RBM33: variants seen among roughly 807,000 people sequenced by gnomAD.
RBM33 encodes the protein RNA binding motif protein 33.
A neutral mutation model predicts 132.6 loss-of-function variants in RBM33; 28 were observed. That is an observed-to-expected ratio of 0.21 (90% CI 0.16 to 0.29). The LOEUF (loss-of-function observed/expected upper bound fraction) is 0.29, where lower values mean the gene tolerates loss of function less well. Among genes scored for constraint, RBM33 ranks in the 10% least tolerant of loss-of-function variants. The pLI, the probability that RBM33 is intolerant of heterozygous loss-of-function variation, is 1.00. For synonymous variants in RBM33, 634 were observed against 593.0 expected, an observed-to-expected ratio of 1.07 and a Z score of -1.01; for missense variants, 1,291 against 1,518.5, an observed-to-expected ratio of 0.85 and a Z score of 2.49.
Position 155,644,807 on chromosome 7 carries a change from C to T in RBM33, c.-70C>T. On this transcript the variant is annotated 5_prime_UTR_variant, in exon 1 of 18. Transcript: ENST00000401878. The stretch of plus-strand genomic sequence containing the variant: ...CTGTCCTCCGTCACCCGTACCCGGG[C>T]CCGGACCAGGCACGTCGGCCCACCA... 7.6e-7 allele frequency: 1 copy of T among 1,321,318 alleles called. No individual in the cohort carries two copies. The highest frequency in any genetic ancestry group is 1.5e-5 in the South Asian group (1 of 67,184). 81.8% of individuals were successfully genotyped at this position (1,321,318 alleles called of 1,614,324 possible).
intron 9 of RBM33, among the ~76,000 whole-genome samples, chr7:155,733,083 G>C (rs1219799821): frequency 6.6e-6 from 1 of 152,088 alleles, no homozygotes; most frequent in Non-Finnish European, 1.5e-5. Flanking sequence ...TGTACCAAGG[G>C]TTACAAGAGA....
intron 5 of RBM33, among the ~76,000 whole-genome samples, chr7:155,684,166 A>G (rs1799409092): frequency 6.6e-6 from 1 of 152,178 alleles, no homozygotes; most frequent in Non-Finnish European, 1.5e-5. Flanking sequence ...ACTGTCATGT[A>G]CCATACAGTA....
At chr7:155,729,807 C>G (rs1458844476) in intron 9 of RBM33, among the ~76,000 whole-genome samples, 2 of 151,612 alleles carry the variant, frequency 1.3e-5, no homozygotes, top group Non-Finnish European at 2.9e-5. Context: ...TTTTCTGTCT[C>G]TAAACCAGTG....
Position 155,763,963 on chromosome 7 carries a change from A to G in RBM33, c.3131A>G (p.His1044Arg), listed in dbSNP as rs760368232. The G allele has an allele frequency of 1.6e-5, 26 of 1,596,420 alleles. No individual in the cohort carries two copies. The highest frequency in any genetic ancestry group is 2.7e-5 in the African/African-American group (2 of 74,544). Reference sequence around the variant, plus strand: ...CATCTGCCAGCGGGGCCCCACGCACACTCGCCTGTCCCTCCAGGGATCAAA... The same window carrying G: ...CATCTGCCAGCGGGGCCCCACGCACGCTCGCCTGTCCCTCCAGGGATCAAA... The part of the protein sequence containing the change: ...PPHLPAGPHA[H>R]SPVPPGIKSI... The change falls in exon 15 of 18, where the codon CAC (histidine) becomes CGC (arginine). Residue 1044 changes from histidine (H) to arginine (R), a missense_variant. Transcript: ENST00000401878.
intron 16 of RBM33, among the ~76,000 whole-genome samples, chr7:155,771,386 T>C (rs1802421610): frequency 6.6e-6 from 1 of 152,228 alleles, no homozygotes; most frequent in African/African-American, 2.4e-5. Context: ...CAGGGTTTAT[T>C]TCTGAAAGAA....
At chr7:155,701,944 C>T (rs143305739) in intron 6 of RBM33, among the ~76,000 whole-genome samples, 3 of 152,280 alleles carry the variant, frequency 2.0e-5, no homozygotes, top group East Asian at 1.9e-4. Context: ...GCTCAGCCTC[C>T]GTAAGTGCTG....
In RBM33 at chr7:155,745,675, G is replaced by C; in HGVS notation, c.2979+73G>C. On this transcript the variant is annotated intron_variant, in intron 14 of 17. Transcript: ENST00000401878. The surrounding 1 kb of genome is among the most constrained non-coding windows in gnomAD (Gnocchi z 4.1). ...TAGAATGTCCTCATTTGCAGAGAAT[G>C]TTTTTGAAGAAAGAATTAAAAGTTA... The C allele has an allele frequency of 7.4e-7, 1 of 1,357,796 alleles. No individual in the cohort carries two copies. The highest frequency in any genetic ancestry group is 2.0e-4 in the Middle Eastern group (1 of 5,044). The allele number at this position is 1,357,796 out of a possible 1,614,324, so 84.1% of individuals were successfully genotyped here.
At chr7:155,713,848 C>T (rs1303620039) in intron 8 of RBM33, among the ~76,000 whole-genome samples, 2 of 152,132 alleles carry the variant, frequency 1.3e-5, no homozygotes, top group Non-Finnish European at 2.9e-5. Context: ...AGAGGAAAAA[C>T]TTGTCTTGTC....
chr7:155,645,120 A>G, intron 1 of RBM33: 1 of 491,680 alleles, frequency 2.0e-6, no homozygotes. Context: ...CGCTGTGCAG[A>G]TCGTACTTAC....
chr7:155,645,102 C>T lies in RBM33; in HGVS notation c.43+183C>T, dbSNP rs933089213. Reference sequence around the variant, plus strand: ...TATTGTCATTCTCCCTTTCTCGCTCCTCCTCTCCGCTGTGCAGATCGTACT... The same window carrying T: ...TATTGTCATTCTCCCTTTCTCGCTCTTCCTCTCCGCTGTGCAGATCGTACT... On this transcript the variant is annotated intron_variant, in intron 1 of 17. Transcript: ENST00000401878. The T allele has an allele frequency of 1.6e-5, 8 of 513,932 alleles. 1 individual carries two copies. The highest frequency in any genetic ancestry group is 1.0e-4 in the South Asian group (4 of 39,788). The allele number at this position is 513,932 out of a possible 1,614,324, so 31.8% of individuals were successfully genotyped here.
At chr7:155,764,112 A>ACAT in intron 15 of RBM33, 94 bp downstream of exon 15, 1 of 935,358 alleles carries the variant, frequency 1.1e-6, no homozygotes, top group Non-Finnish European at 1.6e-6. Flanking sequence ...CATGGCACAC[A>ACAT]GTAGTACTCA....
chr7:155,772,396 A>G (rs536491771), intron 16 of RBM33, among the ~76,000 whole-genome samples: 18 of 152,324 alleles, frequency 1.2e-4, no homozygotes, highest in South Asian at 4.1e-4. Context: ...AAGTTGCTCT[A>G]TTGTTTCAGT....
At chr7:155,696,694 T>TA (rs1169022078) in intron 5 of RBM33, among the ~76,000 whole-genome samples, 2 of 152,190 alleles carry the variant, frequency 1.3e-5, no homozygotes, top group South Asian at 2.1e-4. Context: ...TAAATTAACT[T>TA]AAAAAAATGA....
At chr7:155,698,308 C>T (rs932384712) in intron 5 of RBM33, among the ~76,000 whole-genome samples, 4 of 151,820 alleles carry the variant, frequency 2.6e-5, no homozygotes, top group African/African-American at 9.7e-5. Flanking sequence ...CAGAGGTTGT[C>T]GTGAGCTGAG....
At position 155,766,548 on chromosome 7, in the gene RBM33, G is replaced by A; in HGVS notation, c.3268G>A (p.Val1090Met). 2 of 1,613,734 alleles carry A rather than the reference G, an allele frequency of 1.2e-6. No homozygotes were observed. Among genetic ancestry groups the A allele is most frequent in the Non-Finnish European group, 1.7e-6 (2 of 1,179,834 alleles). Residue 1090 changes from valine to methionine, a missense_variant, in exon 16 of 18, where the codon GTG becomes ATG. Transcript: ENST00000401878. Reference protein sequence around the residue: ...RLMPNKQNLRVVECKPQPCVV... With the variant: ...RLMPNKQNLRMVECKPQPCVV... ...GATGCCAAACAAGCAGAACCTGCGG[G>A]TGGTGGAGTGCAAGCCCCAGCCCTG...
intron 12 of RBM33, among the ~76,000 whole-genome samples, chr7:155,741,023 T>C (rs1454280611): frequency 6.6e-6 from 1 of 152,236 alleles, no homozygotes; most frequent in Non-Finnish European, 1.5e-5. Context: ...ATCTCAGTTT[T>C]CCTGATATTT....
intron 1 of RBM33, 40 bp downstream of exon 1, chr7:155,644,959 C>A: frequency 1.4e-6 from 2 of 1,450,378 alleles, no homozygotes; most frequent in South Asian, 1.3e-5. Context: ...AGGACCGCGC[C>A]GCGGTGGGCG....
intron 8 of RBM33, among the ~76,000 whole-genome samples, chr7:155,716,498 T>G (rs945177118): frequency 1.5e-4 from 23 of 152,090 alleles, no homozygotes; most frequent in Admixed American, 1.3e-3. Flanking sequence ...TTTATCGTGT[T>G]GGAATGTTTT....
At position 155,775,281 on chromosome 7, in the gene RBM33, C is replaced by G; in HGVS notation, c.*240C>G. ...CATTCTCTTGTCACCACCAAGAACTCCAAGTTTTTCGTTTTGTTTTGTTTT... is the reference window on the plus strand; with the variant it reads ...CATTCTCTTGTCACCACCAAGAACTGCAAGTTTTTCGTTTTGTTTTGTTTT... On this transcript the variant is annotated 3_prime_UTR_variant, in exon 18 of 18. Transcript: ENST00000401878. 1 of 624,398 alleles carries G rather than the reference C, an allele frequency of 1.6e-6. No homozygotes were observed. The allele number at this position is 624,398 out of a possible 1,614,324, so 38.7% of individuals were successfully genotyped here. A position where few individuals can be genotyped will look rare whatever the true frequency, so the allele number is the denominator to read the frequency against.
Sources: allele counts gnomAD v4.1 joint callset (sites outside exome capture counted in the v4.1 genomes callset), GRCh38; gene constraint gnomAD v4.1.1; non-coding constraint Gnocchi (gnomAD v3.1); transcripts MANE v1.5; gene names NCBI Gene and HGNC (gene_info 2026-07-23, HGNC 2026-07-21).